CHCHD6: variants seen among roughly 807,000 people sequenced by gnomAD.
The protein encoded by CHCHD6 is MICOS complex subunit MIC25.
In CHCHD6, 28 loss-of-function variants were observed where a neutral mutation model predicts 32.3. That is an observed-to-expected ratio of 0.87 (90% CI 0.64 to 1.19). The LOEUF is 1.19. CHCHD6 is among the 50% of genes most tolerant of loss of function. The pLI, the probability that CHCHD6 is intolerant of heterozygous loss-of-function variation, is 0.00. For synonymous variants in CHCHD6, 122 were observed against 117.5 expected (o/e 1.04, Z -0.25); for missense variants, 333 against 307.0 (o/e 1.08, Z -0.63).
intron 4 of CHCHD6, among the ~76,000 whole-genome samples, chr3:126,777,567 C>T (rs1167680342): frequency 1.3e-5 from 2 of 152,140 alleles, no homozygotes; most frequent in African/African-American, 4.8e-5. Context: ...GCAGGAGGCA[C>T]CTCTTCTGCT....
At chr3:126,922,948 G>A (rs1490310921) in intron 6 of CHCHD6, among the ~76,000 whole-genome samples, 1 of 152,218 alleles carries the variant, frequency 6.6e-6, no homozygotes, top group African/African-American at 2.4e-5. Context: ...CACCTTGGCT[G>A]GTTCTGTGGG....
chr3:126,826,851 A>G (rs970356118), intron 4 of CHCHD6, among the ~76,000 whole-genome samples: 4 of 152,138 alleles, frequency 2.6e-5, no homozygotes, highest in South Asian at 2.1e-4. Context: ...CAGAATTAGG[A>G]CAAGATCCAG....
At chr3:126,835,263 G>C (rs1940808005) in intron 4 of CHCHD6, among the ~76,000 whole-genome samples, 1 of 152,162 alleles carries the variant, frequency 6.6e-6, no homozygotes, top group South Asian at 2.1e-4. Context: ...AGGCAGGACA[G>C]TGCTCCCCAC....
At chr3:126,728,644 A>G (rs1219459471) in intron 2 of CHCHD6, among the ~76,000 whole-genome samples, 2 of 152,212 alleles carry the variant, frequency 1.3e-5, no homozygotes, top group Non-Finnish European at 2.9e-5. Flanking sequence ...GACCCAATGC[A>G]CTTTAACAAA....
At chr3:126,868,097 CT>C (rs1174984747) in intron 5 of CHCHD6, among the ~76,000 whole-genome samples, 1 of 152,254 alleles carries the variant, frequency 6.6e-6, no homozygotes, top group East Asian at 1.9e-4. Context: ...CCCTGGAAGC[CT>C]TTTCTGACCA....
At chr3:126,888,656 G>A (rs2077711489) in intron 5 of CHCHD6, among the ~76,000 whole-genome samples, 1 of 152,218 alleles carries the variant, frequency 6.6e-6, no homozygotes, top group Non-Finnish European at 1.5e-5. Context: ...TTTCACCAGG[G>A]ACGGGAGACA....
chr3:126,736,152 A>C (rs548637505), intron 4 of CHCHD6, among the ~76,000 whole-genome samples: 19 of 152,348 alleles, frequency 1.2e-4, no homozygotes, highest in Non-Finnish European at 2.1e-4. Flanking sequence ...GATTTAAATA[A>C]GAGGAGAAAG....
chr3:126,713,641 A>T (rs1934865862), intron 1 of CHCHD6, among the ~76,000 whole-genome samples: 1 of 151,892 alleles, frequency 6.6e-6, no homozygotes, highest in African/African-American at 2.4e-5. Context: ...GGCCAAAATG[A>T]TCTATTCCAC....
chr3:126,729,853 G>C (rs1023551304), intron 2 of CHCHD6, among the ~76,000 whole-genome samples: 11 of 152,178 alleles, frequency 7.2e-5, no homozygotes, highest in African/African-American at 2.7e-4. Context: ...CATCGGAGAA[G>C]GCCAAGAAAG....
chr3:126,782,490 A>G (rs1937993227), intron 4 of CHCHD6, among the ~76,000 whole-genome samples: 1 of 152,230 alleles, frequency 6.6e-6, no homozygotes, highest in African/African-American at 2.4e-5. Flanking sequence ...CTTTCATTAA[A>G]TTTCTTCAAT....
At chr3:126,939,948 A>G (rs1171185542) in intron 6 of CHCHD6, among the ~76,000 whole-genome samples, 1 of 152,148 alleles carries the variant, frequency 6.6e-6, no homozygotes, top group Non-Finnish European at 1.5e-5. Context: ...CACTGTAAAA[A>G]TGGACCTTTT....
chr3:126,779,170 T>A (rs1408939939), intron 4 of CHCHD6, among the ~76,000 whole-genome samples: 3 of 152,190 alleles, frequency 2.0e-5, no homozygotes, highest in Admixed American at 2.0e-4. Context: ...TTGCTGGTAC[T>A]TTTATTGTCA....
chr3:126,719,390 C>A (rs970046510), intron 1 of CHCHD6, among the ~76,000 whole-genome samples: 5 of 152,250 alleles, frequency 3.3e-5, no homozygotes, highest in Admixed American at 6.5e-5. Context: ...TCTTGCCCCC[C>A]CTGCCCTGCA....
chr3:126,827,331 G>A (rs1217933875), intron 4 of CHCHD6, among the ~76,000 whole-genome samples: 1 of 152,336 alleles, frequency 6.6e-6, no homozygotes, highest in East Asian at 1.9e-4. Context: ...GATGAAAGCA[G>A]TTCCAGGCTG....
chr3:126,824,109 C>T (rs985482464), intron 4 of CHCHD6, among the ~76,000 whole-genome samples: 1 of 151,978 alleles, frequency 6.6e-6, no homozygotes, highest in Non-Finnish European at 1.5e-5. Flanking sequence ...AATTATAGTG[C>T]ATATTTTTCT....
At position 126,733,177 on chromosome 3, in the gene CHCHD6, G is replaced by A. The variant is rs754064965; in HGVS notation, c.366G>A (p.Thr122=). The part of the protein sequence containing the change: ...ATKHSKASLP[T]GEGSISHEEQ... ...AGCACTCCAAGGCATCCCTGCCCACGGGCGAAGGCAGCATCAGCCATGAGG... is the reference window on the plus strand; with the variant it reads ...AGCACTCCAAGGCATCCCTGCCCACAGGCGAAGGCAGCATCAGCCATGAGG... Residue 122 remains threonine (T), a synonymous_variant, in exon 4 of 8, where the codon ACG becomes ACA. Coordinates refer to ENST00000290913, the MANE Select transcript of CHCHD6 (RefSeq NM_032343.3). The A allele has an allele frequency of 1.2e-5, 19 of 1,614,076 alleles. No homozygotes were observed. Among genetic ancestry groups the A allele is most frequent in the Middle Eastern group, 1.6e-4 (1 of 6,084 alleles).
At chr3:126,707,595 C>T (rs9289283) in intron 1 of CHCHD6, among the ~76,000 whole-genome samples, 14,434 of 152,194 alleles carry the variant, frequency 0.095, 2,261 homozygotes, top group African/African-American at 0.32. Context: ...TTGTGAGCAT[C>T]CAGACTGCTC....
chr3:126,902,445 G>A lies in CHCHD6; in HGVS notation c.496-12235G>A, dbSNP rs994598408. Among the ~76,000 whole-genome samples the A allele has an allele frequency of 4.8e-4, 73 of 152,090 alleles. 1 individual carries two copies. The highest frequency in any genetic ancestry group is 1.6e-3 in the African/African-American group (65 of 41,392). ...TAAAAAATCAATGTAGGCTGGGTGC[G>A]GTGGCTCAAGCCTATAATCCCAGCA... On this transcript the variant is annotated intron_variant, in intron 5 of 7. Coordinates refer to ENST00000290913, the MANE Select transcript of CHCHD6 (RefSeq NM_032343.3).
chr3:126,841,909 G>A (rs1941098813), intron 4 of CHCHD6, among the ~76,000 whole-genome samples: 1 of 151,960 alleles, frequency 6.6e-6, no homozygotes. Flanking sequence ...GCAAGACCTT[G>A]CCTCAAAACA....
Sources: allele counts gnomAD v4.1 joint callset (sites outside exome capture counted in the v4.1 genomes callset), GRCh38; gene constraint gnomAD v4.1.1; transcripts MANE v1.5; gene names NCBI Gene and HGNC (gene_info 2026-07-23, HGNC 2026-07-21).